FAM185A: variants seen among roughly 807,000 people sequenced by gnomAD.
FAM185A encodes protein FAM185A.
Under a neutral mutation model 45.7 loss-of-function variants are expected in FAM185A, and 21 were observed. The ratio of observed to expected loss-of-function variants is 0.46; its 90% CI spans 0.33 to 0.66. FAM185A has a LOEUF of 0.66. FAM185A is among the 30% of genes least tolerant of loss of function. The pLI is 0.03. For missense variants in FAM185A, 305 were observed against 485.4 expected (o/e 0.63, Z 3.49); for synonymous variants, 117 against 194.0 (o/e 0.60, Z 3.30).
chr7:102,749,659 G>A lies in FAM185A; in HGVS notation c.451+1G>A, dbSNP rs1793234765. 6 of 1,473,074 alleles carry A rather than the reference G, an allele frequency of 4.1e-6. No individual in the cohort carries two copies. Among genetic ancestry groups the A allele is most frequent in the Non-Finnish European group, 5.4e-6 (6 of 1,116,016 alleles). 91.3% of individuals were successfully genotyped at this position (1,473,074 alleles called of 1,614,324 possible). A position where few individuals can be genotyped will look rare whatever the true frequency, so the allele number is the denominator to read the frequency against. On this transcript the variant is annotated splice_donor_variant, in intron 1 of 7. Transcript: ENST00000413034. LOFTEE classifies it high-confidence loss of function. ...GAGGTGAACGCGCCCCTGAAGTTTGGCAAGTGAAGTGAAGTGAAAACGGGT... is the reference window on the plus strand; with the variant it reads ...GAGGTGAACGCGCCCCTGAAGTTTGACAAGTGAAGTGAAGTGAAAACGGGT...
the FAM185A span, among the ~76,000 whole-genome samples, chr7:102,831,045 G>A: frequency 2.6e-5 from 4 of 152,168 alleles, no homozygotes; most frequent in African/African-American, 9.7e-5. Flanking sequence ...TGTGTTATTT[G>A]TTGGGAACCA....
chr7:102,763,078 G>A (rs1303952722), intron 4 of FAM185A, among the ~76,000 whole-genome samples: 2 of 142,520 alleles, frequency 1.4e-5, no homozygotes, highest in Non-Finnish European at 3.1e-5. Context: ...TTTATACCAT[G>A]TTTACACTAA....
chr7:102,795,993 C>T (rs1017088744), intron 7 of FAM185A, among the ~76,000 whole-genome samples: 37 of 152,184 alleles, frequency 2.4e-4, no homozygotes, highest in African/African-American at 6.7e-4. Context: ...CTTATCAAGA[C>T]GGGAATTGCA....
intron 6 of FAM185A, among the ~76,000 whole-genome samples, chr7:102,781,019 A>C (rs1202500468): frequency 1.3e-5 from 2 of 152,206 alleles, no homozygotes; most frequent in Non-Finnish European, 2.9e-5. Flanking sequence ...ATTATATCCC[A>C]CGCATGGCTC....
the FAM185A span, among the ~76,000 whole-genome samples, chr7:102,835,606 T>G: frequency 2.4e-5 from 2 of 83,200 alleles, no homozygotes; most frequent in African/African-American, 1.0e-4. Context: ...TGACATTGTT[T>G]TTTTTTTTTT....
the FAM185A span, among the ~76,000 whole-genome samples, chr7:102,826,897 C>A: frequency 6.8e-6 from 1 of 147,932 alleles, no homozygotes; most frequent in Admixed American, 6.8e-5. Context: ...TATCTTCTTG[C>A]ATATTATGTT....
the FAM185A span, among the ~76,000 whole-genome samples, chr7:102,828,364 C>G: frequency 1.5e-4 from 23 of 152,102 alleles, no homozygotes. Context: ...ATTTCTTTTC[C>G]TTATGACCAT....
the FAM185A span, among the ~76,000 whole-genome samples, chr7:102,845,138 A>C: frequency 6.6e-6 from 1 of 152,086 alleles, no homozygotes; most frequent in Admixed American, 6.6e-5. Flanking sequence ...CTCAATCTCC[A>C]GCCCCTCTCC....
chr7:102,841,071 G>A, the FAM185A span, among the ~76,000 whole-genome samples: 2 of 152,096 alleles, frequency 1.3e-5, no homozygotes, highest in African/African-American at 2.4e-5. Flanking sequence ...TGTGAGACAT[G>A]CCACAGGCCC....
the FAM185A span, among the ~76,000 whole-genome samples, chr7:102,829,237 C>T: frequency 9.0e-4 from 137 of 152,314 alleles, 1 homozygote; most frequent in African/African-American, 3.2e-3. Flanking sequence ...GAATCCTCGG[C>T]TTCTGTTGTC....
At position 102,801,319 on chromosome 7, in the gene FAM185A, T is replaced by TA. The variant is rs968335402; in HGVS notation, c.1067-6961dup. Among the ~76,000 whole-genome samples, 1,082 of 145,288 alleles carry TA rather than the reference T, an allele frequency of 7.4e-3. 10 individuals carry two copies. The highest frequency in any genetic ancestry group is 0.024 in the African/African-American group (957 of 39,506). ...GGACCTATAAAACAAAAATACAATT[T>TA]AAAAAAAAAACAAAAAAACAAAGTA... On this transcript the variant is annotated intron_variant, in intron 7 of 7. Transcript: ENST00000413034.
At chr7:102,845,852 T>G in the FAM185A span, among the ~76,000 whole-genome samples, 3 of 152,216 alleles carry the variant, frequency 2.0e-5, no homozygotes, top group Non-Finnish European at 4.4e-5. Flanking sequence ...GGCATTCCCA[T>G]GCTGGATTAG....
At chr7:102,789,724 A>C (rs1051421281) in intron 7 of FAM185A, among the ~76,000 whole-genome samples, 2 of 152,284 alleles carry the variant, frequency 1.3e-5, no homozygotes, top group Non-Finnish European at 2.9e-5. Flanking sequence ...AATAAAATAA[A>C]ATAAAAAACT....
At chr7:102,791,619 G>A (rs1392913605) in intron 7 of FAM185A, among the ~76,000 whole-genome samples, 1 of 152,252 alleles carries the variant, frequency 6.6e-6, no homozygotes, top group African/African-American at 2.4e-5. Flanking sequence ...TCTAGGTACT[G>A]ATCAAGCATC....
In FAM185A at chr7:102,787,228, A is replaced by G. The variant is rs186673916; in HGVS notation, c.932-107A>G. The stretch of plus-strand genomic sequence containing the variant: ...AAATAAATACTGTATGCTGAGGAGT[A>G]AAAACAGTGTCTCAGGAGCAATGCT... On this transcript the variant is annotated intron_variant, in intron 6 of 7. Coordinates refer to ENST00000413034, the MANE Select transcript of FAM185A (RefSeq NM_001145268.2). 3 of 961,962 alleles carry G rather than the reference A, an allele frequency of 3.1e-6. No homozygotes were observed. In the African/African-American group the frequency reaches 5.1e-5, roughly 16 times the overall value. The allele number at this position is 961,962 out of a possible 1,614,324, so 59.6% of individuals were successfully genotyped here. A position where few individuals can be genotyped will look rare whatever the true frequency, so the allele number is the denominator to read the frequency against.
chr7:102,755,804 C>T (rs10953372), intron 2 of FAM185A: 42,732 of 666,328 alleles, frequency 0.064, 2,188 homozygotes, highest in East Asian at 0.19. Context: ...TGGAAGCTAT[C>T]GGGACCAATT....
chr7:102,784,677 G>A (rs1295692600), intron 6 of FAM185A, among the ~76,000 whole-genome samples: 1 of 152,136 alleles, frequency 6.6e-6, no homozygotes, highest in Admixed American at 6.5e-5. Flanking sequence ...TTGCTGGGAT[G>A]TATCTCAAAA....
intron 4 of FAM185A, among the ~76,000 whole-genome samples, chr7:102,762,227 CT>C (rs1794153866): frequency 6.6e-6 from 1 of 152,100 alleles, no homozygotes; most frequent in Admixed American, 6.5e-5. Flanking sequence ...TAAATATCCT[CT>C]TGTGGTTTCT....
At chr7:102,757,350 T>C (rs1793813610) in intron 2 of FAM185A, among the ~76,000 whole-genome samples, 1 of 152,234 alleles carries the variant, frequency 6.6e-6, no homozygotes, top group Non-Finnish European at 1.5e-5. Flanking sequence ...GATTTACCTT[T>C]CTGAATCTTG....
Sources: gnomAD v4.1 joint callset for allele counts (sites outside exome capture counted in the v4.1 genomes callset) on GRCh38, gnomAD v4.1.1 for gene constraint, MANE v1.5 for transcripts, NCBI Gene and HGNC (gene_info 2026-07-23, HGNC 2026-07-21) for gene names.